TRPC4: variants seen among roughly 807,000 people sequenced by gnomAD.
The protein encoded by TRPC4 is transient receptor potential cation channel subfamily C member 4, also known as short transient receptor potential channel 4.
Under a neutral mutation model 99.4 loss-of-function variants are expected in TRPC4, and 49 were observed. That is an observed-to-expected ratio of 0.49 (90% CI 0.39 to 0.63). The LOEUF (loss-of-function observed/expected upper bound fraction) is 0.63. TRPC4 is among the 20% of genes least tolerant of loss of function. The probability of loss-of-function intolerance (pLI) is 0.00; values close to 1 mark genes in which losing one functional copy is unlikely to be tolerated. For synonymous variants in TRPC4, 454 were observed against 425.9 expected (o/e 1.07, Z -0.81); for missense variants, 898 against 1,152.9 (o/e 0.78, Z 3.20).
intron 1 of TRPC4, among the ~76,000 whole-genome samples, chr13:37,861,269 T>A (rs573603831): frequency 2.6e-5 from 4 of 151,662 alleles, no homozygotes; most frequent in Non-Finnish European, 5.9e-5. Flanking sequence ...TTTACATTTT[T>A]AAAAAAATCA....
rs915198644 is a variant in TRPC4 at position 37,632,203 on chromosome 13, G to A, written c.*4700C>T. ...AATACAAATGTTCCTGAGCAGCACTGTCCAATAGAAATGTATTGCAAGGCA... is the reference window on the plus strand; with the variant it reads ...AATACAAATGTTCCTGAGCAGCACTATCCAATAGAAATGTATTGCAAGGCA... On this transcript the variant is annotated 3_prime_UTR_variant, in exon 11 of 11. Coordinates refer to ENST00000379705, the MANE Select transcript of TRPC4 (RefSeq NM_016179.4). Among the ~76,000 whole-genome samples, 2 of 152,174 alleles carry A rather than the reference G, an allele frequency of 1.3e-5. No homozygotes were observed. The highest frequency in any genetic ancestry group is 4.8e-5 in the African/African-American group (2 of 41,450).
At chr13:37,678,388 A>G (rs1953129591) in intron 4 of TRPC4, among the ~76,000 whole-genome samples, 2 of 152,128 alleles carry the variant, frequency 1.3e-5, no homozygotes, top group Non-Finnish European at 2.9e-5. Flanking sequence ...TAACAAAAAA[A>G]GATGATATAA....
At chr13:37,765,689 A>G (rs1956345118) in intron 2 of TRPC4, among the ~76,000 whole-genome samples, 1 of 151,418 alleles carries the variant, frequency 6.6e-6, no homozygotes, top group South Asian at 2.1e-4. Flanking sequence ...ACATTGCTAA[A>G]TTGCTTTCCA....
At position 37,652,411 on chromosome 13, in the gene TRPC4, T is replaced by A. The variant is rs932710510; in HGVS notation, c.1885-952A>T. Among the ~76,000 whole-genome samples the A allele has an allele frequency of 3.7e-4, 56 of 152,224 alleles. 1 individual carries two copies. Among genetic ancestry groups the A allele is most frequent in the Admixed American group, 3.3e-4 (5 of 15,282 alleles). Reference sequence around the variant, plus strand: ...TGCGGATGAATAAGTTATGCATACTTTTTTATTCTGCGCAACATGGGTTTA... The same window carrying A: ...TGCGGATGAATAAGTTATGCATACTATTTTATTCTGCGCAACATGGGTTTA... On this transcript the variant is annotated intron_variant, in intron 7 of 10. Coordinates refer to ENST00000379705, the MANE Select transcript of TRPC4 (RefSeq NM_016179.4).
Position 37,728,359 on chromosome 13 carries a change from C to T in TRPC4, c.897+17578G>A, listed in dbSNP as rs535942265. ...AAGGTAGCAGAGTACAAAGTCAACT[C>T]ACAAAAATAAGTTACATTTCTATAT... On this transcript the variant is annotated intron_variant, in intron 3 of 10. Coordinates refer to ENST00000379705, the MANE Select transcript of TRPC4 (RefSeq NM_016179.4). Among the ~76,000 whole-genome samples the T allele has an allele frequency of 2.0e-5, 3 of 151,858 alleles. No individual in the cohort carries two copies. The East Asian group carries it at 5.8e-4, about 29-fold the overall frequency.
chr13:37,797,552 A>G (rs1957291028), intron 1 of TRPC4, among the ~76,000 whole-genome samples: 1 of 152,124 alleles, frequency 6.6e-6, no homozygotes, highest in Admixed American at 6.6e-5. Context: ...ATAAAAGGCA[A>G]TTCTTTCCTT....
Position 37,753,599 on chromosome 13 carries a change from GAGAGAGAGAA to G in TRPC4, c.379-7154_379-7145del, listed in dbSNP as rs199594455. ...AAAGAGAGAGAGAGAGAGAGAGAGAGAGAGAGAGAAAGAAAGAAAGAGAACACAGAAACAT... is the reference window on the plus strand; with the variant it reads ...AAAGAGAGAGAGAGAGAGAGAGAGAGAGAAAGAAAGAGAACACAGAAACAT... On this transcript the variant is annotated intron_variant, in intron 2 of 10. Coordinates refer to ENST00000379705, the MANE Select transcript of TRPC4 (RefSeq NM_016179.4). Among the ~76,000 whole-genome samples the G allele has an allele frequency of 6.9e-3, 990 of 142,496 alleles. 7 individuals are homozygous for G. Among genetic ancestry groups the G allele is most frequent in the Admixed American group, 0.012 (160 of 13,904 alleles). The allele number at this position is 142,496 out of a possible 152,430, so 93.5% of individuals were successfully genotyped here. A position where few individuals can be genotyped will look rare whatever the true frequency, so the allele number is the denominator to read the frequency against.
chr13:37,749,918 A>G (rs1248629297), intron 2 of TRPC4, among the ~76,000 whole-genome samples: 2 of 152,148 alleles, frequency 1.3e-5, no homozygotes, highest in Non-Finnish European at 2.9e-5. Flanking sequence ...AAATCTGAAC[A>G]TGCTTAGGTA....
intron 1 of TRPC4, among the ~76,000 whole-genome samples, chr13:37,866,015 T>C (rs1378077141): frequency 6.6e-6 from 1 of 151,768 alleles, no homozygotes; most frequent in African/African-American, 2.4e-5. Context: ...ATAGGTCCTG[T>C]TTCAGGTAAA....
At chr13:37,691,891 C>A in intron 4 of TRPC4, 108 bp downstream of exon 4, 1 of 1,097,822 alleles carries the variant, frequency 9.1e-7, no homozygotes, top group Admixed American at 2.7e-5. Context: ...ATAGTCAGAA[C>A]CTATTCTAAA....
At chr13:37,715,503 T>G (rs1954631637) in intron 3 of TRPC4, among the ~76,000 whole-genome samples, 3 of 152,208 alleles carry the variant, frequency 2.0e-5, no homozygotes, top group Non-Finnish European at 2.9e-5. Context: ...ATAAAGGATG[T>G]GAAGAGCTTA....
At chr13:37,649,351 A>G (rs1951946337) in intron 8 of TRPC4, among the ~76,000 whole-genome samples, 1 of 152,154 alleles carries the variant, frequency 6.6e-6, no homozygotes, top group African/African-American at 2.4e-5. Flanking sequence ...GTGCCCTCAA[A>G]GATGGAACCC....
At chr13:37,823,581 T>C (rs1453556724) in intron 1 of TRPC4, among the ~76,000 whole-genome samples, 1 of 152,066 alleles carries the variant, frequency 6.6e-6, no homozygotes, top group Admixed American at 6.6e-5. Flanking sequence ...CAAATACTTG[T>C]AGATATGTGG....
At chr13:37,744,262 A>T (rs1955676552) in intron 3 of TRPC4, among the ~76,000 whole-genome samples, 1 of 152,170 alleles carries the variant, frequency 6.6e-6, no homozygotes. Flanking sequence ...TTCAAGTCTA[A>T]AGCCTGCAAT....
intron 6 of TRPC4, among the ~76,000 whole-genome samples, chr13:37,658,407 G>T (rs916978576): frequency 6.6e-6 from 1 of 152,104 alleles, no homozygotes; most frequent in African/African-American, 2.4e-5. Flanking sequence ...ACAGCCAGAA[G>T]AATTGAACGT....
chr13:37,674,489 AC>A, intron 4 of TRPC4, 122 bp from the exon 5 acceptor site: 2 of 1,061,602 alleles, frequency 1.9e-6, no homozygotes, highest in Non-Finnish European at 2.7e-6. Context: ...ACTAAATGCA[AC>A]ATCTATTTTT....
chr13:37,712,303 C>T (rs1361617757), intron 3 of TRPC4, among the ~76,000 whole-genome samples: 1 of 152,096 alleles, frequency 6.6e-6, no homozygotes, highest in Non-Finnish European at 1.5e-5. Flanking sequence ...GATTTGCATT[C>T]CTCTCTCCCA....
chr13:37,663,853 T>A (rs185221194), intron 5 of TRPC4, 124 bp from the exon 6 acceptor site: 4 of 869,018 alleles, frequency 4.6e-6, no homozygotes, highest in Non-Finnish European at 5.2e-6. Context: ...TGTTTTCGAT[T>A]TTTGAACACA....
intron 1 of TRPC4, among the ~76,000 whole-genome samples, chr13:37,838,582 T>C (rs1421266640): frequency 6.6e-6 from 1 of 152,200 alleles, no homozygotes; most frequent in Non-Finnish European, 1.5e-5. Flanking sequence ...ACTCAGATGA[T>C]TTCTTTTTTA....
Sources: allele counts gnomAD v4.1 joint callset (sites outside exome capture counted in the v4.1 genomes callset), GRCh38; gene constraint gnomAD v4.1.1; transcripts MANE v1.5; gene names NCBI Gene and HGNC (gene_info 2026-07-23, HGNC 2026-07-21).